SDC2: variants seen among roughly 807,000 people sequenced by gnomAD.
SDC2 encodes the protein syndecan 2, also known as syndecan-2.
Under a neutral mutation model 22.2 loss-of-function variants are expected in SDC2, and 13 were observed. The ratio of observed to expected loss-of-function variants is 0.59; its 90% CI spans 0.38 to 0.93. The LOEUF is 0.93. Among genes scored for constraint, SDC2 ranks in the 40% least tolerant of loss-of-function variants. The pLI is 0.00. For synonymous variants in SDC2, 94 were observed against 92.8 expected (o/e 1.01, Z -0.07); for missense variants, 235 against 246.8 (o/e 0.95, Z 0.32).
chr8:96,565,110 G>A (rs1586302855), intron 1 of SDC2, among the ~76,000 whole-genome samples: 1 of 6,728 alleles, frequency 1.5e-4, no homozygotes, highest in South Asian at 3.3e-3. Context: ...GTTGAGATGG[G>A]GAGTGTTGCT....
intron 1 of SDC2, among the ~76,000 whole-genome samples, chr8:96,495,167 G>T (rs1324455345): frequency 6.6e-6 from 1 of 152,196 alleles, no homozygotes; most frequent in Non-Finnish European, 1.5e-5. Context: ...GCTTCGGGTC[G>T]CCTGGCCGCT....
chr8:96,589,903 G>A (rs1814750074), intron 1 of SDC2, among the ~76,000 whole-genome samples: 1 of 152,174 alleles, frequency 6.6e-6, no homozygotes, highest in Non-Finnish European at 1.5e-5. Flanking sequence ...GCCAGAGCCG[G>A]GGGGCCAGAG....
chr8:96,607,049 C>T (rs552825796), intron 3 of SDC2, among the ~76,000 whole-genome samples: 21 of 152,156 alleles, frequency 1.4e-4, no homozygotes, highest in Non-Finnish European at 2.6e-4. Context: ...GGAGCGCAAA[C>T]GCGATTGTGA....
rs975786427 is a variant in SDC2, at chr8:96,592,684, G to A, written c.61-796G>A. Among the ~76,000 whole-genome samples the A allele has an allele frequency of 5.9e-5, 9 of 152,172 alleles. No homozygotes were observed. The South Asian group carries it at 6.2e-4, about 11-fold the overall frequency. ...GAAGAGTTAAGAAGCTGTGGAACTG[G>A]TATACTTAGTGACTGATCCCTCTCC... is the stretch of plus-strand genomic sequence containing the variant. On this transcript the variant is annotated intron_variant, in intron 1 of 4. Transcript: ENST00000302190.
rs955133455 is a variant in SDC2 at position 96,524,139 on chromosome 8, G to T, written c.60+29808G>T. 9.2e-5 allele frequency among the ~76,000 whole-genome samples: 14 copies of T among 152,328 alleles called. No individual in the cohort carries two copies. The South Asian group carries it at 1.9e-3, about 20-fold the overall frequency. ...GTGGAATGTCATAGTTCATATACCA[G>T]AGACCCCGAAGTGAATCCAGGTGCC... On this transcript the variant is annotated intron_variant, in intron 1 of 4. Coordinates refer to ENST00000302190, the MANE Select transcript of SDC2 (RefSeq NM_002998.4).
At chr8:96,607,097 G>A (rs1159686263) in intron 3 of SDC2, among the ~76,000 whole-genome samples, 1 of 152,182 alleles carries the variant, frequency 6.6e-6, no homozygotes. Flanking sequence ...GTCTGAGGTG[G>A]AATAGTTTCA....
intron 1 of SDC2, among the ~76,000 whole-genome samples, chr8:96,572,394 C>G (rs1463881530): frequency 6.6e-6 from 1 of 152,112 alleles, no homozygotes; most frequent in African/African-American, 2.4e-5. Context: ...GTGCACTGGT[C>G]TTTTGTGGAG....
At chr8:96,505,359 A>G (rs1019495596) in intron 1 of SDC2, among the ~76,000 whole-genome samples, 11 of 152,078 alleles carry the variant, frequency 7.2e-5, no homozygotes, top group Admixed American at 1.3e-4. Flanking sequence ...GCTGGAGTGC[A>G]GTGGTGCGAT....
chr8:96,528,561 T>C (rs1813614468), intron 1 of SDC2, among the ~76,000 whole-genome samples: 2 of 152,222 alleles, frequency 1.3e-5, no homozygotes, highest in Non-Finnish European at 2.9e-5. Flanking sequence ...GGTTTTTACA[T>C]ATACTGGGGA....
At chr8:96,535,747 T>A (rs1439695802) in intron 1 of SDC2, among the ~76,000 whole-genome samples, 2 of 152,212 alleles carry the variant, frequency 1.3e-5, no homozygotes, top group Non-Finnish European at 2.9e-5. Flanking sequence ...TCCACCTCCG[T>A]TCAAAACTTA....
chr8:96,569,217 C>T (rs998493926), intron 1 of SDC2, among the ~76,000 whole-genome samples: 4 of 152,214 alleles, frequency 2.6e-5, no homozygotes, highest in Non-Finnish European at 5.9e-5. Flanking sequence ...CTACGTTGCT[C>T]AGGCTGGTGT....
intron 1 of SDC2, among the ~76,000 whole-genome samples, chr8:96,571,984 C>T (rs1814403042): frequency 6.6e-6 from 1 of 152,120 alleles, no homozygotes; most frequent in Admixed American, 6.5e-5. Context: ...GGTTGGCTTT[C>T]TCAGTAGGGA....
chr8:96,530,647 C>T (rs753802522), intron 1 of SDC2, among the ~76,000 whole-genome samples: 7 of 151,914 alleles, frequency 4.6e-5, no homozygotes, highest in Non-Finnish European at 8.8e-5. Flanking sequence ...CAAAACAAAA[C>T]GAAACAAAAA....
intron 1 of SDC2, among the ~76,000 whole-genome samples, chr8:96,549,422 C>T (rs139577944): frequency 5.9e-5 from 9 of 152,284 alleles, no homozygotes; most frequent in Non-Finnish European, 8.8e-5. Context: ...GTAGATAGCC[C>T]TGAAATGGGA....
In SDC2 at chr8:96,609,434, C is replaced by G. The variant is rs1367925121; in HGVS notation, c.492C>G (p.Ile164Met). 2 of 1,613,020 alleles carry G rather than the reference C, an allele frequency of 1.2e-6. No individual in the cohort carries two copies. The highest frequency in any genetic ancestry group is 1.3e-5 in the African/African-American group (1 of 74,958). Residue 164 changes from isoleucine (I) to methionine (M), a missense_variant, in exon 5 of 5, where the codon ATC becomes ATG. Transcript: ENST00000302190. ...VIGFLFAIFLILLLVYRMRKK... is the reference protein window; with the variant it reads ...VIGFLFAIFLMLLLVYRMRKK... ...GCTTTCTCTTTGCAATTTTTCTTAT[C>G]CTGCTGTTGGTGTATCGCATGAGAA...
Position 96,520,265 on chromosome 8 carries a change from T to C in SDC2, c.60+25934T>C, listed in dbSNP as rs539350195. ...ATATTTCCAAGAAAACACAGTATAA[T>C]TGTCACTTTCAAGGGCCATCGAACT... On this transcript the variant is annotated intron_variant, in intron 1 of 4. Coordinates refer to ENST00000302190, the MANE Select transcript of SDC2 (RefSeq NM_002998.4). Among the ~76,000 whole-genome samples the C allele has an allele frequency of 3.3e-5, 5 of 152,330 alleles. No individual in the cohort carries two copies. The South Asian group carries it at 1.0e-3, about 32-fold the overall frequency.
intron 1 of SDC2, among the ~76,000 whole-genome samples, chr8:96,523,651 ACT>A (rs1813531934): frequency 6.6e-6 from 1 of 152,220 alleles, no homozygotes; most frequent in South Asian, 2.1e-4. Flanking sequence ...AGAGGCGGAG[ACT>A]CATTGAAAAC....
rs906211812 is a variant in SDC2, at chr8:96,611,428, A to AT, written c.*1887dup. 3 of 152,596 alleles carry AT rather than the reference A, an allele frequency of 2.0e-5. No individual in the cohort carries two copies. The highest frequency in any genetic ancestry group is 2.9e-5 in the Non-Finnish European group (2 of 68,028). The allele number at this position is 152,596 out of a possible 1,614,324, so 9.5% of individuals were successfully genotyped here. On this transcript the variant is annotated 3_prime_UTR_variant, in exon 5 of 5. Transcript: ENST00000302190. ...AATTGCCACATAATTCATTAAAAAC[A>AT]TTTTTTTAAGCAACACTTGGAACAG...
At chr8:96,601,763 T>C (rs936144734) in intron 2 of SDC2, among the ~76,000 whole-genome samples, 57 of 152,150 alleles carry the variant, frequency 3.7e-4, no homozygotes, top group African/African-American at 1.3e-3. Flanking sequence ...TTGTGGGTTT[T>C]TTTAATTTTT....
Sources: gnomAD v4.1 joint callset for allele counts (sites outside exome capture counted in the v4.1 genomes callset) on GRCh38, gnomAD v4.1.1 for gene constraint, MANE v1.5 for transcripts, NCBI Gene and HGNC (gene_info 2026-07-23, HGNC 2026-07-21) for gene names.